ADK: variants seen among roughly 807,000 people sequenced by gnomAD.
ADK encodes the protein adenosine kinase.
ADK carries 24 observed loss-of-function variants against 44.7 expected under a neutral mutation model. That is an observed-to-expected ratio of 0.54 (90% CI 0.39 to 0.76). ADK has a LOEUF of 0.76. ADK is among the 30% of genes least tolerant of loss of function. The pLI is 0.00. For synonymous variants in ADK, 128 were observed against 142.6 expected, an observed-to-expected ratio of 0.90 and a Z score of 0.73; for missense variants, 321 against 425.1, an observed-to-expected ratio of 0.76 and a Z score of 2.15.
At chr10:74,590,295 A>G (rs946660729) in intron 8 of ADK, among the ~76,000 whole-genome samples, 1 of 152,198 alleles carries the variant, frequency 6.6e-6, no homozygotes, top group Non-Finnish European at 1.5e-5. Context: ...AGTATTGTCT[A>G]TCAAACAGGG....
chr10:74,506,658 T>G (rs1848089200), intron 6 of ADK: 1 of 152,278 alleles, frequency 6.6e-6, no homozygotes, highest in South Asian at 2.1e-4. Context: ...TGCAGTTCAT[T>G]TTATGCAGTT....
At chr10:74,230,155 G>C (rs1160173118) in intron 3 of ADK, among the ~76,000 whole-genome samples, 1 of 147,310 alleles carries the variant, frequency 6.8e-6, no homozygotes, top group African/African-American at 2.6e-5. Flanking sequence ...AGCTAGGACC[G>C]ACAGCAAGGT....
At chr10:74,237,589 T>G (rs184972077) in intron 3 of ADK, among the ~76,000 whole-genome samples, 154 of 152,336 alleles carry the variant, frequency 1.0e-3, no homozygotes, top group African/African-American at 3.6e-3. Flanking sequence ...GTTTTCATTT[T>G]AGTTTGTCTG....
At chr10:74,339,755 T>C (rs1010856251) in intron 4 of ADK, among the ~76,000 whole-genome samples, 1 of 152,156 alleles carries the variant, frequency 6.6e-6, no homozygotes, top group Non-Finnish European at 1.5e-5. Context: ...CCTAACCTAT[T>C]CTAGTGATAT....
Position 74,206,985 on chromosome 10 carries a change from C to G in ADK, c.140+6147C>G, listed in dbSNP as rs184898169. ...CGGCTCATGCTACCAGCCTGGATCC[C>G]ACACCTGCCAAGGGCGAGCCAGGTG... On this transcript the variant is annotated intron_variant, in intron 2 of 10. Coordinates refer to ENST00000539909, the MANE Select transcript of ADK (RefSeq NM_006721.4). Among the ~76,000 whole-genome samples, 706 of 152,260 alleles carry G rather than the reference C, an allele frequency of 4.6e-3. 6 individuals carry two copies. The highest frequency in any genetic ancestry group is 8.4e-3 in the Admixed American group (128 of 15,296).
At chr10:74,479,225 G>A (rs112134108) in intron 6 of ADK, among the ~76,000 whole-genome samples, 5,473 of 151,908 alleles carry the variant, frequency 0.036, 288 homozygotes, top group African/African-American at 0.11. Context: ...CTCAACACCC[G>A]GGACTAAGCA....
intron 4 of ADK, among the ~76,000 whole-genome samples, chr10:74,345,749 T>G (rs576104252): frequency 1.3e-5 from 2 of 152,356 alleles, no homozygotes; most frequent in East Asian, 3.9e-4. Context: ...ATAGTCCCAT[T>G]ATCTTATTTG....
chr10:74,471,334 A>G (rs1027317237), intron 6 of ADK, among the ~76,000 whole-genome samples: 1 of 152,088 alleles, frequency 6.6e-6, no homozygotes, highest in Non-Finnish European at 1.5e-5. Context: ...TCAGCCTCCC[A>G]AAGTTCTGGG....
chr10:74,493,475 T>G (rs375640561), intron 6 of ADK, among the ~76,000 whole-genome samples: 18 of 151,188 alleles, frequency 1.2e-4, no homozygotes, highest in African/African-American at 2.2e-4. Flanking sequence ...GAGATATATA[T>G]AGAGAGATAT....
At chr10:74,224,413 T>C in intron 2 of ADK, 125 bp from the exon 3 acceptor site, 1 of 751,326 alleles carries the variant, frequency 1.3e-6, no homozygotes. Flanking sequence ...TTGGGCATTC[T>C]TGGTGTTTTA....
intron 7 of ADK, among the ~76,000 whole-genome samples, chr10:74,586,729 C>A (rs1333059801): frequency 2.0e-5 from 3 of 151,984 alleles, no homozygotes; most frequent in African/African-American, 4.8e-5. Context: ...TGGCACACAC[C>A]TGTAGTTCCA....
chr10:74,417,810 T>A (rs1844424831), intron 6 of ADK, among the ~76,000 whole-genome samples: 1 of 152,044 alleles, frequency 6.6e-6, no homozygotes, highest in South Asian at 2.1e-4. Context: ...GAGCCCTGAC[T>A]GCTTCATTCC....
intron 6 of ADK, among the ~76,000 whole-genome samples, chr10:74,469,071 C>T (rs899533330): frequency 1.3e-5 from 2 of 152,082 alleles, no homozygotes; most frequent in Non-Finnish European, 2.9e-5. Flanking sequence ...TACATGGTGG[C>T]TCACACCTGT....
At chr10:74,312,772 A>G (rs1840481298) in intron 3 of ADK, among the ~76,000 whole-genome samples, 2 of 150,394 alleles carry the variant, frequency 1.3e-5, no homozygotes, top group Admixed American at 6.7e-5. Context: ...AAATTAGCCA[A>G]GTGTGGTGGT....
intron 6 of ADK, among the ~76,000 whole-genome samples, chr10:74,503,548 A>G (rs1243030600): frequency 1.3e-5 from 2 of 152,344 alleles, no homozygotes; most frequent in African/African-American, 4.8e-5. Context: ...GAGAGTTATC[A>G]ACTAAAGTTA....
In ADK at chr10:74,274,738, A is replaced by ATATATATATATATATATATATG. The variant is rs1846597383; in HGVS notation, c.195-39919_195-39918insTATATATATATGTATATATATA. On this transcript the variant is annotated intron_variant, in intron 3 of 10. Coordinates refer to ENST00000539909, the MANE Select transcript of ADK (RefSeq NM_006721.4). The stretch of plus-strand genomic sequence containing the variant: ...GAGAAAAATTTTAATGTGTGTATAT[A>ATATATATATATATATATATATG]TATATATATACACACACACATTATA... Among the ~76,000 whole-genome samples the ATATATATATATATATATATATG allele has an allele frequency of 1.6e-5, 2 of 126,604 alleles. 1 individual carries two copies. Among genetic ancestry groups the ATATATATATATATATATATATG allele is most frequent in the Non-Finnish European group, 3.4e-5 (2 of 58,112 alleles). The allele number at this position is 126,604 out of a possible 152,430, so 83.1% of individuals were successfully genotyped here.
chr10:74,195,668 TTTTCTTTC>T (rs146395490), intron 1 of ADK, among the ~76,000 whole-genome samples: 103 of 143,188 alleles, frequency 7.2e-4, no homozygotes, highest in South Asian at 3.0e-3. Flanking sequence ...ATATTTTTCT[TTTTCTTTC>T]TTTCTTTCTT....
chr10:74,495,099 A>G (rs1847635126), intron 6 of ADK, among the ~76,000 whole-genome samples: 1 of 152,130 alleles, frequency 6.6e-6, no homozygotes, highest in Admixed American at 6.5e-5. Context: ...TTTCTCTAGA[A>G]GCATTTATGA....
intron 5 of ADK, among the ~76,000 whole-genome samples, chr10:74,394,931 A>C (rs1322243047): frequency 1.3e-5 from 2 of 152,132 alleles, no homozygotes; most frequent in African/African-American, 4.8e-5. Flanking sequence ...AACTTGAAAT[A>C]TCTCTCTCAG....
Sources: allele counts gnomAD v4.1 joint callset (sites outside exome capture counted in the v4.1 genomes callset), GRCh38; gene constraint gnomAD v4.1.1; transcripts MANE v1.5; gene names NCBI Gene and HGNC (gene_info 2026-07-23, HGNC 2026-07-21).